The following IGSF5 variants were observed in gnomAD, a reference collection of about 807,000 sequenced individuals.
IGSF5 encodes the protein immunoglobulin superfamily 5 like.
In IGSF5, 41 loss-of-function variants were observed where a neutral mutation model predicts 39.4. That is an observed-to-expected ratio of 1.04 (90% CI 0.81 to 1.35). IGSF5 has a LOEUF of 1.35. IGSF5 is among the 40% of genes most tolerant of loss of function. IGSF5 has a pLI of 0.00. For missense variants in IGSF5, 487 were observed against 494.6 expected, an observed-to-expected ratio of 0.98 and a Z score of 0.15; for synonymous variants, 183 against 175.3, an observed-to-expected ratio of 1.04 and a Z score of -0.34.
intron 2 of IGSF5, among the ~76,000 whole-genome samples, chr21:39,764,763 A>G (rs2080077522): frequency 6.6e-6 from 1 of 152,242 alleles, no homozygotes; most frequent in Non-Finnish European, 1.5e-5. Context: ...ACCAGAAGGT[A>G]GTAGGACATG....
intron 5 of IGSF5, among the ~76,000 whole-genome samples, chr21:39,787,330 C>T (rs899055262): frequency 2.6e-5 from 4 of 152,038 alleles, no homozygotes; most frequent in South Asian, 4.1e-4. Context: ...TACCTGAGAA[C>T]GTTATCTAAA....
the IGSF5 span, among the ~76,000 whole-genome samples, chr21:39,739,073 G>A: frequency 6.6e-6 from 1 of 151,940 alleles, no homozygotes; most frequent in African/African-American, 2.4e-5. Flanking sequence ...ATTTTTTGTG[G>A]AGACTGCCGC....
At chr21:39,730,240 T>C in the IGSF5 span, 1 of 152,242 alleles carries the variant, frequency 6.6e-6, no homozygotes, top group African/African-American at 2.4e-5. Context: ...TGTCTCTTCA[T>C]ATTGCCTTTT....
the IGSF5 span, among the ~76,000 whole-genome samples, chr21:39,726,475 G>A: frequency 6.6e-6 from 1 of 152,098 alleles, no homozygotes; most frequent in Non-Finnish European, 1.5e-5. Flanking sequence ...GCATCCGGTG[G>A]TGTTAGCTGG....
At chr21:39,790,025 T>C (rs1471903089) in intron 6 of IGSF5, among the ~76,000 whole-genome samples, 1 of 152,200 alleles carries the variant, frequency 6.6e-6, no homozygotes, top group African/African-American at 2.4e-5. Flanking sequence ...ATGCCTGGGC[T>C]TGATGGCAGA....
intron 1 of IGSF5, 133 bp from the exon 2 acceptor site, chr21:39,746,083 C>T: frequency 1.5e-6 from 1 of 669,020 alleles, no homozygotes; most frequent in Non-Finnish European, 2.7e-6. Flanking sequence ...AGCTGTGGGT[C>T]ATGGGAGAGA....
chr21:39,741,089 G>GTA (rs1569244263), upstream of IGSF5, among the ~76,000 whole-genome samples: 1 of 147,782 alleles, frequency 6.8e-6, no homozygotes, highest in Non-Finnish European at 1.5e-5. Flanking sequence ...AGCTATTCAT[G>GTA]TTTTTTTTTT....
the IGSF5 span, among the ~76,000 whole-genome samples, chr21:39,732,571 C>A: frequency 6.6e-6 from 1 of 152,170 alleles, no homozygotes; most frequent in South Asian, 2.1e-4. Flanking sequence ...TGACAATAAG[C>A]ATTGCTGTTG....
chr21:39,778,965 C>T (rs71316698), intron 4 of IGSF5, 125 bp from the exon 5 acceptor site: 222 of 1,121,906 alleles, frequency 2.0e-4, no homozygotes, highest in Middle Eastern at 9.2e-4. Context: ...TGGCCTATGA[C>T]GCCTAGCCAT....
chr21:39,762,569 A>G (rs1488142461), intron 2 of IGSF5, among the ~76,000 whole-genome samples: 1 of 152,158 alleles, frequency 6.6e-6, no homozygotes, highest in African/African-American at 2.4e-5. Flanking sequence ...ATCAGAGTTG[A>G]TCCTCTCCTG....
chr21:39,764,595 C>T (rs1803191013), intron 2 of IGSF5, among the ~76,000 whole-genome samples: 2 of 152,216 alleles, frequency 1.3e-5, no homozygotes, highest in South Asian at 2.1e-4. Flanking sequence ...CCTCTTCGGC[C>T]TCCCAAAGTG....
chr21:39,715,139 A>G, the IGSF5 span, among the ~76,000 whole-genome samples: 29 of 148,968 alleles, frequency 1.9e-4, no homozygotes, highest in Admixed American at 1.7e-3. Flanking sequence ...TTCTTTTGAT[A>G]TGAAGTCTCA....
intron 5 of IGSF5, among the ~76,000 whole-genome samples, chr21:39,780,355 C>T (rs1353201928): frequency 6.6e-6 from 1 of 152,114 alleles, no homozygotes; most frequent in Non-Finnish European, 1.5e-5. Context: ...CTTAGGAAGA[C>T]CAAGATCTTC....
chr21:39,720,392 C>G, the IGSF5 span, among the ~76,000 whole-genome samples: 1 of 152,150 alleles, frequency 6.6e-6, no homozygotes, highest in African/African-American at 2.4e-5. Flanking sequence ...GGGCCACAGA[C>G]CAGGACCAGT....
chr21:39,738,027 C>T, the IGSF5 span, among the ~76,000 whole-genome samples: 1 of 152,096 alleles, frequency 6.6e-6, no homozygotes, highest in Non-Finnish European at 1.5e-5. This position sits in a 1 kb window ranked among gnomAD's most constrained non-coding sequence, Gnocchi z 6.4. Flanking sequence ...TGGGTGGAAA[C>T]CTATTGTGTG....
chr21:39,713,244 C>G, the IGSF5 span, among the ~76,000 whole-genome samples: 1 of 152,130 alleles, frequency 6.6e-6, no homozygotes, highest in Non-Finnish European at 1.5e-5. Flanking sequence ...GTCTCGGACA[C>G]CTGCCACTGC....
intron 2 of IGSF5, among the ~76,000 whole-genome samples, chr21:39,764,349 GC>G (rs1454410769): frequency 6.6e-6 from 1 of 152,064 alleles, no homozygotes; most frequent in Non-Finnish European, 1.5e-5. Context: ...AACCTGCCTT[GC>G]CATTTTTTTA....
chr21:39,721,444 G>A, the IGSF5 span, among the ~76,000 whole-genome samples: 1 of 152,212 alleles, frequency 6.6e-6, no homozygotes, highest in Non-Finnish European at 1.5e-5. Flanking sequence ...ACCAGTGCAA[G>A]TTCAGGCGGA....
At chr21:39,713,977 A>G in the IGSF5 span, among the ~76,000 whole-genome samples, 1 of 152,360 alleles carries the variant, frequency 6.6e-6, no homozygotes, top group Non-Finnish European at 1.5e-5. Context: ...GAATGTCCAC[A>G]AGGTCCCGGT....
Sources: allele counts gnomAD v4.1 joint callset (sites outside exome capture counted in the v4.1 genomes callset), GRCh38; gene constraint gnomAD v4.1.1; non-coding constraint Gnocchi (gnomAD v3.1); transcripts MANE v1.5; gene names NCBI Gene and HGNC (gene_info 2026-07-23, HGNC 2026-07-21).